Variants in RSU1 observed in about 807,000 individuals in gnomAD.
RSU1 encodes the protein rsu-1.
Under a neutral mutation model 31.1 loss-of-function variants are expected in RSU1, and 26 were observed. That is an observed-to-expected ratio of 0.84 (90% CI 0.61 to 1.16). The LOEUF (loss-of-function observed/expected upper bound fraction) is 1.16, where lower values mean the gene tolerates loss of function less well. Ranked by LOEUF, RSU1 falls within the 50% of genes most tolerant of loss-of-function variation. RSU1 has a pLI of 0.00. For missense variants in RSU1, 320 were observed against 339.1 expected (o/e 0.94, Z 0.44); for synonymous variants, 164 against 136.3 (o/e 1.20, Z -1.41).
chr10:16,740,050 T>G (rs191063065), intron 7 of RSU1, among the ~76,000 whole-genome samples: 1 of 152,252 alleles, frequency 6.6e-6, no homozygotes, highest in Admixed American at 6.5e-5. Context: ...ATGGCGTCAA[T>G]AATGAATTTT....
chr10:16,711,759 G>C (rs7907598), intron 7 of RSU1, among the ~76,000 whole-genome samples: 2,933 of 152,248 alleles, frequency 0.019, 102 homozygotes, highest in African/African-American at 0.067. Flanking sequence ...ATACTTGATA[G>C]GATCTCTATC....
At chr10:16,757,571 C>G (rs996911307) in intron 4 of RSU1, among the ~76,000 whole-genome samples, 4 of 152,206 alleles carry the variant, frequency 2.6e-5, no homozygotes, top group African/African-American at 9.7e-5. Flanking sequence ...CGCTTGTTCA[C>G]TAAAACTACC....
At chr10:16,691,504 CA>C (rs1302352974) in intron 8 of RSU1, among the ~76,000 whole-genome samples, 1 of 150,666 alleles carries the variant, frequency 6.6e-6, no homozygotes, top group Admixed American at 6.6e-5. Context: ...GACAGAAGGA[CA>C]AAAAAACTGA....
intron 8 of RSU1, among the ~76,000 whole-genome samples, chr10:16,618,087 A>C (rs1029544601): frequency 1.3e-5 from 2 of 152,198 alleles, no homozygotes; most frequent in African/African-American, 2.4e-5. Flanking sequence ...TACCCATCTG[A>C]CAAAGGTCTA....
chr10:16,705,104 A>T (rs1031841263), intron 7 of RSU1, among the ~76,000 whole-genome samples: 2 of 152,204 alleles, frequency 1.3e-5, no homozygotes, highest in Admixed American at 6.5e-5. Flanking sequence ...AGTATCTCAT[A>T]TACATGGAAT....
chr10:16,807,949 G>A (rs1160222860), intron 2 of RSU1, among the ~76,000 whole-genome samples: 1 of 151,650 alleles, frequency 6.6e-6, no homozygotes, highest in East Asian at 1.9e-4. Flanking sequence ...CGTGAACCTG[G>A]GAGGCAGAGC....
Position 16,782,094 on chromosome 10 carries a change from A to G in RSU1, c.110-10T>C, listed in dbSNP as rs968215947. ...ATATGGGATAAGGTAACTAAAAAGA[A>G]AAGAAAAAAAAAAAGGTCAGTCAGT... On this transcript the variant is annotated splice_polypyrimidine_tract_variant and intron_variant, in intron 2 of 8. Coordinates refer to ENST00000345264, the MANE Select transcript of RSU1 (RefSeq NM_012425.4). 5 of 1,609,262 alleles carry G rather than the reference A, an allele frequency of 3.1e-6. No individual in the cohort carries two copies. Among genetic ancestry groups the G allele is most frequent in the Middle Eastern group, 1.7e-4 (1 of 5,742 alleles).
intron 8 of RSU1, among the ~76,000 whole-genome samples, chr10:16,687,440 T>C (rs1454118986): frequency 2.6e-5 from 4 of 151,988 alleles, no homozygotes; most frequent in Non-Finnish European, 5.9e-5. Flanking sequence ...GAATAAATTA[T>C]GAAAATGCAA....
intron 8 of RSU1, among the ~76,000 whole-genome samples, chr10:16,694,699 T>C (rs773265013): frequency 7.9e-5 from 12 of 152,008 alleles, no homozygotes; most frequent in Admixed American, 3.3e-4. Flanking sequence ...GCCTCCAGAA[T>C]AGCTACAATG....
At chr10:16,691,200 T>A (rs1399354552) in intron 8 of RSU1, among the ~76,000 whole-genome samples, 1 of 152,146 alleles carries the variant, frequency 6.6e-6, no homozygotes, top group Non-Finnish European at 1.5e-5. Context: ...ATTTTTCAGA[T>A]AGGATACTAA....
chr10:16,785,489 C>CATATAT lies in RSU1; in HGVS notation c.110-3411_110-3406dup, dbSNP rs1388954555. On this transcript the variant is annotated intron_variant, in intron 2 of 8. Coordinates refer to ENST00000345264, the MANE Select transcript of RSU1 (RefSeq NM_012425.4). ...ATATATACACATATATACATATATA[C>CATATAT]ATATATATATACACATATATACATA... 3.0e-3 allele frequency among the ~76,000 whole-genome samples: 358 copies of CATATAT among 118,460 alleles called. 7 individuals are homozygous for CATATAT. The highest frequency in any genetic ancestry group is 0.016 in the African/African-American group (343 of 21,776). The allele number at this position is 118,460 out of a possible 152,430, so 77.7% of individuals were successfully genotyped here. A position where few individuals can be genotyped will look rare whatever the true frequency, so the allele number is the denominator to read the frequency against.
chr10:16,694,332 G>A (rs751970560), intron 8 of RSU1, among the ~76,000 whole-genome samples: 7 of 152,120 alleles, frequency 4.6e-5, no homozygotes, highest in Non-Finnish European at 8.8e-5. Context: ...CGCATTGCTA[G>A]TACTCTCTAC....
intron 2 of RSU1, among the ~76,000 whole-genome samples, chr10:16,811,986 T>G (rs1588552931): frequency 1.3e-5 from 2 of 152,304 alleles, no homozygotes; most frequent in East Asian, 3.9e-4. Flanking sequence ...AATGGAGTCA[T>G]GTGAATAGTT....
rs535439834 is a variant in RSU1 at position 16,655,114 on chromosome 10, A to C, written c.731+39909T>G. On this transcript the variant is annotated intron_variant, in intron 8 of 8. Transcript: ENST00000345264. ...AGAGAAATGCATTCTGTATCATTCA[A>C]TAAAATAAGTGAAATGCAATCTAAT... 5.0e-4 allele frequency among the ~76,000 whole-genome samples: 76 copies of C among 152,158 alleles called. No individual in the cohort carries two copies. In the South Asian group the frequency reaches 0.015, roughly 31 times the overall value.
At chr10:16,779,832 C>A (rs189497313) in intron 3 of RSU1, among the ~76,000 whole-genome samples, 19 of 152,248 alleles carry the variant, frequency 1.2e-4, no homozygotes, top group African/African-American at 4.1e-4. Context: ...ATAGCAAAGT[C>A]ATTCATTTAA....
chr10:16,663,579 C>T (rs1325849742), intron 8 of RSU1, among the ~76,000 whole-genome samples: 1 of 152,200 alleles, frequency 6.6e-6, no homozygotes, highest in Non-Finnish European at 1.5e-5. Context: ...GGAGCCTCTG[C>T]AGGCTGGGAA....
chr10:16,711,116 A>G (rs1312974308), intron 7 of RSU1, among the ~76,000 whole-genome samples: 4 of 152,048 alleles, frequency 2.6e-5, no homozygotes, highest in Non-Finnish European at 1.5e-5. Flanking sequence ...CAGATCTTTA[A>G]TTTCTTTATA....
At chr10:16,597,982 G>A (rs1055412002) in intron 8 of RSU1, among the ~76,000 whole-genome samples, 1 of 152,216 alleles carries the variant, frequency 6.6e-6, no homozygotes, top group African/African-American at 2.4e-5. Context: ...CAGTGGCGGT[G>A]CAGTCACAAC....
intron 8 of RSU1, among the ~76,000 whole-genome samples, chr10:16,603,104 TGTGTCTGTC>T (rs1833739591): frequency 6.6e-6 from 1 of 152,336 alleles, no homozygotes; most frequent in East Asian, 1.9e-4. Context: ...AATGGCAGCG[TGTGTCTGTC>T]ACATTCTTCT....
Sources: allele counts gnomAD v4.1 joint callset (sites outside exome capture counted in the v4.1 genomes callset), GRCh38; gene constraint gnomAD v4.1.1; transcripts MANE v1.5; gene names NCBI Gene and HGNC (gene_info 2026-07-23, HGNC 2026-07-21).